The following MYT1 variants were observed in gnomAD, a reference collection of about 807,000 sequenced individuals.
MYT1 encodes the protein myelin transcription factor I.
In MYT1, 23 loss-of-function variants were observed where a neutral mutation model predicts 123.0. The ratio of observed to expected loss-of-function variants is 0.19; its 90% confidence interval spans 0.13 to 0.26. The LOEUF is 0.26. MYT1 is among the 10% of genes least tolerant of loss of function. The pLI is 1.00. For missense variants in MYT1, 1,125 were observed against 1,472.5 expected (o/e 0.76, Z 3.86); for synonymous variants, 518 against 575.3 (o/e 0.90, Z 1.43).
Position 64,223,343 on chromosome 20 carries a change from C to T in MYT1, c.2512C>T (p.His838Tyr). The T allele has an allele frequency of 6.2e-7, 1 of 1,614,128 alleles. No individual in the cohort carries two copies. The part of the protein sequence containing the change: ...DKSLRNLMAA[H>Y]SADLKCPTPG... The stretch of plus-strand genomic sequence containing the variant: ...GAGCCTCAGAAACCTCATGGCTGCC[C>T]ACTCTGCTGACCTCAAGTATGTTTG... The change falls in exon 16 of 23, where the codon CAC becomes TAC. Residue 838 changes from histidine to tyrosine, a missense_variant. By Grantham distance (83) the His-to-Tyr change is moderately conservative (BLOSUM62 2). This residue lies in a region of MYT1 where 47 missense variants were observed against 113.1 expected (regional missense o/e 0.42). Coordinates refer to ENST00000328439, the MANE Select transcript of MYT1 (RefSeq NM_004535.3).
At chr20:64,235,486 G>T (rs1488759673) in intron 19 of MYT1, among the ~76,000 whole-genome samples, 2 of 137,724 alleles carry the variant, frequency 1.5e-5, no homozygotes, top group African/African-American at 2.8e-5. Flanking sequence ...GTCATGATGG[G>T]TGACCCTGGG....
rs749936866 is a variant in MYT1 at position 64,205,694 on chromosome 20, T to C, written c.291T>C (p.Thr97=). 3 of 1,614,068 alleles carry C rather than the reference T, an allele frequency of 1.9e-6. No individual in the cohort carries two copies. The highest frequency in any genetic ancestry group is 1.3e-5 in the African/African-American group (1 of 74,942). ...TGGACAGCGACGGCAGTGAGGACACTGAGGTGAAGGACGCCTCTGTTTCGG... is the reference window on the plus strand; with the variant it reads ...TGGACAGCGACGGCAGTGAGGACACCGAGGTGAAGGACGCCTCTGTTTCGG... The part of the protein sequence containing the change: ...YGVDSDGSED[T]EVKDASVSDE... The change falls in exon 6 of 23, where the codon ACT becomes ACC. Residue 97 remains threonine, a synonymous_variant. Transcript: ENST00000328439.
chr20:64,207,285 G>A (rs1038164901), intron 6 of MYT1, among the ~76,000 whole-genome samples: 16 of 152,112 alleles, frequency 1.1e-4, no homozygotes, highest in African/African-American at 3.9e-4. Context: ...ATCTGATTTG[G>A]GAAAGTAAAC....
At position 64,242,048 on chromosome 20, in the gene MYT1, G is replaced by A. The variant is rs1305409394; in HGVS notation, c.*1600G>A. On this transcript the variant is annotated 3_prime_UTR_variant, in exon 23 of 23. Coordinates refer to ENST00000328439, the MANE Select transcript of MYT1 (RefSeq NM_004535.3). ...GTTTCTCGTGTCGCGTTTGCGTGTC[G>A]GCTCTTGCGGTGGAGTCCTGTTGCT... is the stretch of plus-strand genomic sequence containing the variant. 6.6e-6 allele frequency: 1 copy of A among 152,476 alleles called. No individual in the cohort carries two copies. Among genetic ancestry groups the A allele is most frequent in the African/African-American group, 2.4e-5 (1 of 41,408 alleles). The allele number at this position is 152,476 out of a possible 1,614,324, so 9.4% of individuals were successfully genotyped here.
intron 1 of MYT1, among the ~76,000 whole-genome samples, chr20:64,170,432 G>A (rs1982216487): frequency 6.6e-6 from 1 of 152,162 alleles, no homozygotes; most frequent in Non-Finnish European, 1.5e-5. Flanking sequence ...ATGGGGCACT[G>A]CAAGTCTGGA....
intron 5 of MYT1, 61 bp from the exon 6 acceptor site, chr20:64,205,492 G>T (rs1983461213): frequency 6.3e-7 from 1 of 1,589,060 alleles, no homozygotes; most frequent in Non-Finnish European, 8.6e-7. Flanking sequence ...GGCTCATGGG[G>T]TGTCTGAGGC....
At chr20:64,164,946 G>A (rs896496653) in intron 1 of MYT1, among the ~76,000 whole-genome samples, 1 of 152,066 alleles carries the variant, frequency 6.6e-6, no homozygotes, top group African/African-American at 2.4e-5. Flanking sequence ...GCCGTGTGCT[G>A]TTTTTCTCCT....
chr20:64,165,380 G>A (rs555080937), intron 1 of MYT1, among the ~76,000 whole-genome samples: 3 of 152,204 alleles, frequency 2.0e-5, no homozygotes, highest in Non-Finnish European at 4.4e-5. Flanking sequence ...CAGCTGTGGA[G>A]TGTGGTTGTT....
At chr20:64,182,390 G>A (rs1183916522) in intron 1 of MYT1, among the ~76,000 whole-genome samples, 1 of 152,252 alleles carries the variant, frequency 6.6e-6, no homozygotes, top group African/African-American at 2.4e-5. Context: ...GCTACCAGGT[G>A]GGATTGGCCC....
At chr20:64,187,017 G>A (rs1430390143) in intron 1 of MYT1, among the ~76,000 whole-genome samples, 14 of 147,770 alleles carry the variant, frequency 9.5e-5, no homozygotes, top group Admixed American at 8.8e-4. Flanking sequence ...CGTTTCCGTG[G>A]AGAGATTTCC....
chr20:64,235,753 T>TGGCTGTGGTGGGTGACCCTG (rs1984508316), intron 19 of MYT1, among the ~76,000 whole-genome samples: 1 of 33,972 alleles, frequency 2.9e-5, no homozygotes, highest in Non-Finnish European at 5.3e-5. Flanking sequence ...GGGTGACCCT[T>TGGCTGTGGTGGGTGACCCTG]GGATGGCTGT....
rs1004794969 is a variant in MYT1, at chr20:64,186,819, C to T, written c.-98-3244C>T. ...AGACTTTTCCTGTAGCCTGTGGCCC[C>T]GGCATCCACGTTTCCGTGGAGAGTT... On this transcript the variant is annotated intron_variant, in intron 1 of 22. Coordinates refer to ENST00000328439, the MANE Select transcript of MYT1 (RefSeq NM_004535.3). This position sits in a 1 kb window ranked among gnomAD's most constrained non-coding sequence, Gnocchi z 4.3. Among the ~76,000 whole-genome samples, 7 of 151,056 alleles carry T rather than the reference C, an allele frequency of 4.6e-5. No individual in the cohort carries two copies. The highest frequency in any genetic ancestry group is 7.3e-5 in the African/African-American group (3 of 40,862).
At chr20:64,177,937 T>TG (rs1374184019) in intron 1 of MYT1, among the ~76,000 whole-genome samples, 4 of 152,144 alleles carry the variant, frequency 2.6e-5, no homozygotes, top group African/African-American at 9.7e-5. Context: ...AGAGAAACCC[T>TG]GGGTGGGGCT....
rs1253597160 is a variant in MYT1, at chr20:64,177,521, A to G, written c.-98-12542A>G. Reference sequence around the variant, plus strand: ...GTGACTGTGGCCCCCCAGGGTGTGGAGAGGAAGAGGCCCTCGGGGCGGGGA... The same window carrying G: ...GTGACTGTGGCCCCCCAGGGTGTGGGGAGGAAGAGGCCCTCGGGGCGGGGA... On this transcript the variant is annotated intron_variant, in intron 1 of 22. Transcript: ENST00000328439. 2.9e-5 allele frequency among the ~76,000 whole-genome samples: 4 copies of G among 140,084 alleles called. No homozygotes were observed. The East Asian group carries it at 6.2e-4, about 22-fold the overall frequency. The allele number at this position is 140,084 out of a possible 152,430, so 91.9% of individuals were successfully genotyped here. A position where few individuals can be genotyped will look rare whatever the true frequency, so the allele number is the denominator to read the frequency against.
chr20:64,191,152 G>A lies in MYT1; in HGVS notation c.-1+992G>A, dbSNP rs1191793022. 6.6e-6 allele frequency among the ~76,000 whole-genome samples: 1 copy of A among 152,238 alleles called. No individual in the cohort carries two copies. The highest frequency in any genetic ancestry group is 1.9e-4 in the East Asian group (1 of 5,200). Reference sequence around the variant, plus strand: ...AATCCCTACAGGATCTGACAGCAGAGATTGCTGGCAGGAGCTTATGAAGTC... The same window carrying A: ...AATCCCTACAGGATCTGACAGCAGAAATTGCTGGCAGGAGCTTATGAAGTC... On this transcript the variant is annotated intron_variant, in intron 2 of 22. Transcript: ENST00000328439. This position sits in a 1 kb window ranked among gnomAD's most constrained non-coding sequence, Gnocchi z 4.1.
intron 21 of MYT1, among the ~76,000 whole-genome samples, chr20:64,239,512 C>T (rs915667576): frequency 1.2e-4 from 19 of 152,202 alleles, no homozygotes; most frequent in Admixed American, 2.0e-4. Context: ...CACAGAGGGA[C>T]GTGCCACACG....
At chr20:64,230,876 C>A (rs540549780) in intron 18 of MYT1, among the ~76,000 whole-genome samples, 2 of 152,300 alleles carry the variant, frequency 1.3e-5, no homozygotes, top group Non-Finnish European at 2.9e-5. Flanking sequence ...AGGGTCCTGG[C>A]CGAGTTGGCT....
At chr20:64,169,869 GA>G (rs1982197274) in intron 1 of MYT1, among the ~76,000 whole-genome samples, 1 of 152,156 alleles carries the variant, frequency 6.6e-6, no homozygotes, top group African/African-American at 2.4e-5. Flanking sequence ...TTCTGTACTG[GA>G]CACTGAGGCT....
chr20:64,208,361 G>A lies in MYT1; in HGVS notation c.1165G>A (p.Ala389Thr). Reference protein sequence around the residue: ...GLLEQAIALKAEQVRTVCEPG... With the variant: ...GLLEQAIALKTEQVRTVCEPG... Reference sequence around the variant, plus strand: ...CCTGGAGCAGGCCATCGCCCTGAAGGCTGAACAGGTGCGCACAGTCTGCGA... The same window carrying A: ...CCTGGAGCAGGCCATCGCCCTGAAGACTGAACAGGTGCGCACAGTCTGCGA... Residue 389 changes from alanine (A) to threonine (T), a missense_variant, in exon 7 of 23, where the codon GCT becomes ACT. By Grantham distance (58) the Ala-to-Thr change is moderately conservative (BLOSUM62 0). Coordinates refer to ENST00000328439, the MANE Select transcript of MYT1 (RefSeq NM_004535.3). The surrounding 1 kb of genome is among the most constrained non-coding windows in gnomAD (Gnocchi z 5.4). The A allele has an allele frequency of 6.2e-7, 1 of 1,613,906 alleles. No individual in the cohort carries two copies. The highest frequency in any genetic ancestry group is 8.5e-7 in the Non-Finnish European group (1 of 1,180,042).
Sources: allele counts gnomAD v4.1 joint callset (sites outside exome capture counted in the v4.1 genomes callset), GRCh38; gene constraint gnomAD v4.1.1; regional missense constraint gnomAD v4.1.1; non-coding constraint Gnocchi (gnomAD v3.1); transcripts MANE v1.5; gene names NCBI Gene and HGNC (gene_info 2026-07-23, HGNC 2026-07-21).